Variants in NR2F2 observed in about 807,000 individuals in gnomAD.
NR2F2 encodes COUP transcription factor 2.
In NR2F2, 2 loss-of-function variants were observed where a neutral mutation model predicts 34.8. The observed-to-expected ratio is 0.06, with a 90% CI of 0.02 to 0.18. The LOEUF (loss-of-function observed/expected upper bound fraction) is 0.18, where lower values mean the gene tolerates loss of function less well. Among genes scored for constraint, NR2F2 ranks in the 10% least tolerant of loss-of-function variants. The pLI is 1.00. For missense variants in NR2F2, 300 were observed against 580.1 expected (o/e 0.52, Z 4.96); for synonymous variants, 274 against 251.8 (o/e 1.09, Z -0.84).
At chr15:96,326,469 T>C (rs1215861101), upstream of NR2F2, 88 of 869,466 alleles carry the variant, frequency 1.0e-4, no homozygotes, top group Admixed American at 2.0e-5. This position sits in a 1 kb window ranked among gnomAD's most constrained non-coding sequence, Gnocchi z 5.5. Flanking sequence ...CTAACGTGTA[T>C]GAAATGCCGA....
chr15:96,329,491 T>G (rs1899073121), upstream of NR2F2, among the ~76,000 whole-genome samples: 3 of 152,276 alleles, frequency 2.0e-5, 1 homozygote, highest in South Asian at 6.2e-4. Context: ...TATTTCCCAT[T>G]TGGGGCAGAA....
rs1899152944 is a variant in NR2F2, at chr15:96,331,800, TC to T, written c.-302del. On this transcript the variant is annotated 5_prime_UTR_variant, in exon 1 of 3. Transcript: ENST00000394166. The stretch of plus-strand genomic sequence containing the variant: ...GCTCCCACTCGCTCTCCTGTCCCCT[TC>T]CCCTCCCCTCCCGGCGGAAAGCCCC... 3 of 1,192,214 alleles carry T rather than the reference TC, an allele frequency of 2.5e-6. No individual in the cohort carries two copies. The allele number at this position is 1,192,214 out of a possible 1,614,324, so 73.9% of individuals were successfully genotyped here.
At chr15:96,333,830 G>A in intron 1 of NR2F2, 1 of 1,408,186 alleles carries the variant, frequency 7.1e-7, no homozygotes, top group Non-Finnish European at 9.2e-7. Context: ...TGGGTCCTCG[G>A]CGGACCAGCC....
At chr15:96,327,577 A>G (rs1251435223), upstream of NR2F2, among the ~76,000 whole-genome samples, 1 of 152,218 alleles carries the variant, frequency 6.6e-6, no homozygotes, top group Non-Finnish European at 1.5e-5. Flanking sequence ...TTGACTTGGA[A>G]GTTCAGAGGG....
intron 1 of NR2F2, chr15:96,333,461 C>G (rs1298196398): frequency 1.0e-6 from 1 of 1,003,540 alleles, no homozygotes; most frequent in Non-Finnish European, 1.2e-6. Flanking sequence ...CTTCCTCTCT[C>G]TTTAGCCGGC....
In NR2F2 at chr15:96,331,662, G is replaced by C. The variant is rs1329660666; in HGVS notation, c.-444G>C. The C allele has an allele frequency of 9.8e-6, 11 of 1,123,670 alleles. No homozygotes were observed. Among genetic ancestry groups the C allele is most frequent in the Non-Finnish European group, 1.0e-5 (9 of 893,048 alleles). 69.6% of individuals were successfully genotyped at this position (1,123,670 alleles called of 1,614,324 possible). A position where few individuals can be genotyped will look rare whatever the true frequency, so the allele number is the denominator to read the frequency against. Reference sequence around the variant, plus strand: ...AGAGTGAACGAGAGAGGGAGGGAGAGAGTGAGAGCGAGCGAGATCTTTGGA... The same window carrying C: ...AGAGTGAACGAGAGAGGGAGGGAGACAGTGAGAGCGAGCGAGATCTTTGGA... On this transcript the variant is annotated 5_prime_UTR_variant, in exon 1 of 3. Coordinates refer to ENST00000394166, the MANE Select transcript of NR2F2 (RefSeq NM_021005.4).
rs1179462991 is a variant in NR2F2, at chr15:96,339,269, A to G, written c.*1647A>G. On this transcript the variant is annotated 3_prime_UTR_variant, in exon 3 of 3. Coordinates refer to ENST00000394166, the MANE Select transcript of NR2F2 (RefSeq NM_021005.4). Reference sequence around the variant, plus strand: ...ATCGTTCAAGCAAGCTAATCACAGCATTGTAACTAGAGGACAGTTGTTTGC... The same window carrying G: ...ATCGTTCAAGCAAGCTAATCACAGCGTTGTAACTAGAGGACAGTTGTTTGC... 2 of 152,194 alleles carry G rather than the reference A, an allele frequency of 1.3e-5. No individual in the cohort carries two copies. The highest frequency in any genetic ancestry group is 1.3e-4 in the Admixed American group (2 of 15,278). 9.4% of individuals were successfully genotyped at this position (152,194 alleles called of 1,614,324 possible).
intron 1 of NR2F2, 22 bp from the exon 2 acceptor site, chr15:96,334,054 G>T (rs181659695): frequency 1.2e-5 from 19 of 1,603,690 alleles, no homozygotes; most frequent in Non-Finnish European, 1.6e-5. Flanking sequence ...TAACTGTGGA[G>T]TGTCTCCTTT....
rs1462802755 is a variant in NR2F2, at chr15:96,339,697, A to G, written c.*2075A>G. The G allele has an allele frequency of 6.6e-6, 1 of 152,180 alleles. No individual in the cohort carries two copies. Among genetic ancestry groups the G allele is most frequent in the East Asian group, 1.9e-4 (1 of 5,198 alleles). The allele number at this position is 152,180 out of a possible 1,614,324, so 9.4% of individuals were successfully genotyped here. A position where few individuals can be genotyped will look rare whatever the true frequency, so the allele number is the denominator to read the frequency against. ...AGGGTGTGCTGATTTGGAAGTAGTA[A>G]CTATTTCTTTTGGAGTCTTTTTTTC... On this transcript the variant is annotated 3_prime_UTR_variant, in exon 3 of 3. Coordinates refer to ENST00000394166, the MANE Select transcript of NR2F2 (RefSeq NM_021005.4).
chr15:96,331,970 G>A lies in NR2F2; in HGVS notation c.-136G>A, dbSNP rs1158654017. On this transcript the variant is annotated 5_prime_UTR_variant, in exon 1 of 3. Coordinates refer to ENST00000394166, the MANE Select transcript of NR2F2 (RefSeq NM_021005.4). The stretch of plus-strand genomic sequence containing the variant: ...CCAACCAGCCCCCGAGCCACCCGGG[G>A]CGCCCTCCCGCGCCCTCTTGCACCC... 5 of 1,207,176 alleles carry A rather than the reference G, an allele frequency of 4.1e-6. No individual in the cohort carries two copies. In the East Asian group the frequency reaches 1.7e-4, roughly 42 times the overall value. The allele number at this position is 1,207,176 out of a possible 1,614,324, so 74.8% of individuals were successfully genotyped here.
chr15:96,334,161 G>A lies in NR2F2; in HGVS notation c.528G>A (p.Ser176=), dbSNP rs370572235. ...LTNGDPLNCH[S]YLSGYISLLL... The stretch of plus-strand genomic sequence containing the variant: ...ACGGGGATCCCCTCAACTGCCACTC[G>A]TACCTGTCCGGATATATTTCCCTGC... Residue 176 remains serine, a synonymous_variant, in exon 2 of 3, where the codon TCG becomes TCA. Transcript: ENST00000394166. 1.9e-6 allele frequency: 3 copies of A among 1,613,966 alleles called. No homozygotes were observed. Among genetic ancestry groups the A allele is most frequent in the East Asian group, 2.2e-5 (1 of 44,896 alleles).
chr15:96,334,110 G>T lies in NR2F2; in HGVS notation c.477G>T (p.Pro159=), dbSNP rs375495373. ...VQRGRMPPTQ[P]THGQFALTNG... The stretch of plus-strand genomic sequence containing the variant: ...GGGGCAGGATGCCGCCGACCCAGCC[G>T]ACCCACGGGCAGTTCGCGCTGACCA... Residue 159 remains proline, a synonymous_variant, in exon 2 of 3, where the codon CCG becomes CCT. Coordinates refer to ENST00000394166, the MANE Select transcript of NR2F2 (RefSeq NM_021005.4). 3.9e-5 allele frequency: 63 copies of T among 1,613,366 alleles called. No homozygotes were observed. The highest frequency in any genetic ancestry group is 5.3e-5 in the Non-Finnish European group (62 of 1,180,008).
At chr15:96,332,690 G>C (rs1342643007) in intron 1 of NR2F2, 143 bp downstream of exon 1, 3 of 1,439,110 alleles carry the variant, frequency 2.1e-6, no homozygotes, top group African/African-American at 1.4e-5. Flanking sequence ...CTAGAAGCGA[G>C]TTCTGCATTG....
Position 96,334,419 on chromosome 15 carries a change from G to T in NR2F2, c.786G>T (p.Met262Ile). ...TGTTGAATGCGGCGCAGTGCTCCAT[G>T]CCCCTCCACGTCGCCCCGCTCCTGG... The part of the protein sequence containing the change: ...LFVLNAAQCS[M>I]PLHVAPLLAA... The change falls in exon 2 of 3, where the codon ATG (methionine) becomes ATT (isoleucine). Residue 262 changes from methionine to isoleucine, a missense_variant. Physicochemically the swap from Met to Ile is conservative, Grantham distance 10. This residue lies in a region of NR2F2 where 164 missense variants were observed against 365.3 expected (regional missense o/e 0.45). Transcript: ENST00000394166. 1 of 1,613,944 alleles carries T rather than the reference G, an allele frequency of 6.2e-7. No individual in the cohort carries two copies. Among genetic ancestry groups the T allele is most frequent in the Non-Finnish European group, 8.5e-7 (1 of 1,179,968 alleles).
At chr15:96,333,278 G>T (rs779366569) in intron 1 of NR2F2, 2 of 937,682 alleles carry the variant, frequency 2.1e-6, no homozygotes, top group African/African-American at 3.6e-5. Flanking sequence ...CGGGGCGCGG[G>T]CTCCGGGTTG....
chr15:96,328,059 C>T (rs2398260), upstream of NR2F2, among the ~76,000 whole-genome samples: 15,965 of 152,176 alleles, frequency 0.1, 2,807 homozygotes, highest in African/African-American at 0.36. Flanking sequence ...AATATTTTTG[C>T]CCTTTTTTCT....
Position 96,332,189 on chromosome 15 carries a change from C to G in NR2F2, c.84C>G (p.Pro28=). The change falls in exon 1 of 3, where the codon CCC becomes CCG. Residue 28 remains proline, a synonymous_variant. Transcript: ENST00000394166. ...GCAGCCAGGCCTCGCAGGCGCCGCC[C>G]GTGCCCGGCCCGCCGCCCGGCGCCC... is the stretch of plus-strand genomic sequence containing the variant. The part of the protein sequence containing the change: ...SQGSQASQAP[P]VPGPPPGAPH... The G allele has an allele frequency of 1.5e-6, 2 of 1,331,348 alleles. No individual in the cohort carries two copies. Among genetic ancestry groups the G allele is most frequent in the Non-Finnish European group, 1.9e-6 (2 of 1,043,254 alleles). The allele number at this position is 1,331,348 out of a possible 1,614,324, so 82.5% of individuals were successfully genotyped here.
In NR2F2 at chr15:96,332,399, C is replaced by T. The variant is rs1297763246; in HGVS notation, c.294C>T (p.Gly98=). 1.3e-5 allele frequency: 21 copies of T among 1,613,954 alleles called. No homozygotes were observed. Among genetic ancestry groups the T allele is most frequent in the East Asian group, 2.2e-5 (1 of 44,874 alleles). The stretch of plus-strand genomic sequence containing the variant: ...ACTACGGCCAGTTCACGTGCGAGGG[C>T]TGCAAGAGCTTCTTCAAGCGCAGCG... ...GKHYGQFTCE[G]CKSFFKRSVR... The change falls in exon 1 of 3, where the codon GGC becomes GGT. Residue 98 remains glycine, a synonymous_variant. Coordinates refer to ENST00000394166, the MANE Select transcript of NR2F2 (RefSeq NM_021005.4).
upstream of NR2F2, chr15:96,326,102 C>A (rs533510127): frequency 1.6e-6 from 1 of 612,154 alleles, no homozygotes; most frequent in South Asian, 2.1e-5. The surrounding 1 kb of genome is among the most constrained non-coding windows in gnomAD (Gnocchi z 5.5). Flanking sequence ...TGGGGAAGCA[C>A]TTCCTTGAGG....
Sources: allele counts gnomAD v4.1 joint callset (sites outside exome capture counted in the v4.1 genomes callset), GRCh38; gene constraint gnomAD v4.1.1; regional missense constraint gnomAD v4.1.1; non-coding constraint Gnocchi (gnomAD v3.1); transcripts MANE v1.5; gene names NCBI Gene and HGNC (gene_info 2026-07-23, HGNC 2026-07-21).